The following ERBB4 variants were observed in gnomAD, a reference collection of about 807,000 sequenced individuals.
The protein encoded by ERBB4 is erb-b2 receptor tyrosine kinase 4.
ERBB4 carries 42 observed loss-of-function variants against 158.0 expected under a neutral mutation model. The ratio of observed to expected loss-of-function variants is 0.27; its 90% CI spans 0.21 to 0.34. The LOEUF (loss-of-function observed/expected upper bound fraction) is 0.34. ERBB4 is among the 10% of genes least tolerant of loss of function. ERBB4 has a pLI of 1.00. For synonymous variants in ERBB4, 583 were observed against 558.7 expected (o/e 1.04, Z -0.61); for missense variants, 1,333 against 1,624.1 (o/e 0.82, Z 3.08).
intron 1 of ERBB4, among the ~76,000 whole-genome samples, chr2:212,458,014 T>C (rs1056042378): frequency 6.6e-6 from 1 of 152,098 alleles, no homozygotes; most frequent in Non-Finnish European, 1.5e-5. Context: ...TGTTCTTCTA[T>C]TGTATGTTCT....
At chr2:212,458,427 T>C (rs1688410303) in intron 1 of ERBB4, among the ~76,000 whole-genome samples, 1 of 152,088 alleles carries the variant, frequency 6.6e-6, no homozygotes, top group South Asian at 2.1e-4. Flanking sequence ...TGAGAAAGTG[T>C]ATCATTTGTT....
chr2:211,642,007 A>T (rs552752634), intron 16 of ERBB4, among the ~76,000 whole-genome samples: 36 of 152,232 alleles, frequency 2.4e-4, no homozygotes, highest in Admixed American at 2.2e-3. Context: ...AGTGAATGAA[A>T]TAGTTAAGTG....
At chr2:211,684,468 A>G (rs1385492587) in intron 12 of ERBB4, among the ~76,000 whole-genome samples, 1 of 151,754 alleles carries the variant, frequency 6.6e-6, no homozygotes, top group Non-Finnish European at 1.5e-5. Context: ...AAATAAAAAA[A>G]GAAAAGAAAA....
At chr2:212,406,357 T>C (rs2091344344) in intron 1 of ERBB4, among the ~76,000 whole-genome samples, 1 of 152,096 alleles carries the variant, frequency 6.6e-6, no homozygotes, top group Non-Finnish European at 1.5e-5. Context: ...ATCGGTTCAC[T>C]TTGGACAGAT....
At chr2:212,272,308 A>G (rs1302468919) in intron 1 of ERBB4, among the ~76,000 whole-genome samples, 1 of 151,788 alleles carries the variant, frequency 6.6e-6, no homozygotes, top group East Asian at 1.9e-4. Flanking sequence ...ACAGTCCAGA[A>G]GTATACACAA....
chr2:212,396,109 A>C (rs977899179), intron 1 of ERBB4, among the ~76,000 whole-genome samples: 2 of 152,202 alleles, frequency 1.3e-5, no homozygotes, highest in East Asian at 1.9e-4. Flanking sequence ...CGTGTGCTCA[A>C]ATAGAAACAG....
intron 2 of ERBB4, among the ~76,000 whole-genome samples, chr2:212,057,535 G>A (rs558712599): frequency 1.8e-4 from 28 of 152,244 alleles, no homozygotes; most frequent in Non-Finnish European, 5.9e-5. Context: ...TGGAAGTAAA[G>A]CACTCCTCAG....
chr2:211,965,622 A>C (rs1470410263), intron 2 of ERBB4, among the ~76,000 whole-genome samples: 4 of 152,212 alleles, frequency 2.6e-5, no homozygotes, highest in Non-Finnish European at 4.4e-5. Flanking sequence ...AAATGAAAGT[A>C]GTTGATACTA....
intron 20 of ERBB4, among the ~76,000 whole-genome samples, chr2:211,536,422 C>A (rs182280394): frequency 6.6e-6 from 1 of 152,158 alleles, no homozygotes; most frequent in African/African-American, 2.4e-5. Flanking sequence ...GTGGACATTA[C>A]TCCGGCTTCC....
chr2:211,385,195 GGTAA>G (rs1172273973), intron 27 of ERBB4, among the ~76,000 whole-genome samples: 1 of 152,060 alleles, frequency 6.6e-6, no homozygotes, highest in Non-Finnish European at 1.5e-5. Context: ...ATACAGAATA[GGTAA>G]GTATTTAGCA....
At chr2:211,491,250 G>A (rs560244311) in intron 20 of ERBB4, among the ~76,000 whole-genome samples, 2 of 152,088 alleles carry the variant, frequency 1.3e-5, no homozygotes, top group East Asian at 3.9e-4. Context: ...AATGTACGAA[G>A]TCTCAAAGGG....
intron 3 of ERBB4, among the ~76,000 whole-genome samples, chr2:211,945,585 G>A (rs1196364438): frequency 6.6e-6 from 1 of 151,992 alleles, no homozygotes; most frequent in Non-Finnish European, 1.5e-5. Context: ...TAGGCAAAGT[G>A]AATAATAATA....
intron 3 of ERBB4, among the ~76,000 whole-genome samples, chr2:211,945,674 C>G (rs541212478): frequency 6.6e-6 from 1 of 151,980 alleles, no homozygotes; most frequent in Non-Finnish European, 1.5e-5. Flanking sequence ...AAGTTATGCA[C>G]TTACTCGGTA....
chr2:211,576,136 C>A (rs925792818), intron 19 of ERBB4, among the ~76,000 whole-genome samples: 25 of 151,782 alleles, frequency 1.6e-4, no homozygotes, highest in African/African-American at 6.1e-4. Flanking sequence ...ATAATATTAC[C>A]ACCCACTCAG....
intron 1 of ERBB4, among the ~76,000 whole-genome samples, chr2:212,407,137 T>G (rs1161082864): frequency 6.6e-6 from 1 of 150,978 alleles, no homozygotes; most frequent in Non-Finnish European, 1.5e-5. Flanking sequence ...ATTATATACA[T>G]AACATATATT....
chr2:212,000,381 A>G (rs1282606851), intron 2 of ERBB4, among the ~76,000 whole-genome samples: 2 of 151,880 alleles, frequency 1.3e-5, no homozygotes, highest in Non-Finnish European at 1.5e-5. Context: ...TGTGTTTGCA[A>G]TATTAATTGG....
At chr2:211,820,068 A>G (rs2076961366) in intron 3 of ERBB4, among the ~76,000 whole-genome samples, 1 of 151,948 alleles carries the variant, frequency 6.6e-6, no homozygotes, top group South Asian at 2.1e-4. Context: ...CATTCAAATC[A>G]TTAACCATTA....
At chr2:212,480,713 T>G (rs7603379) in intron 1 of ERBB4, among the ~76,000 whole-genome samples, 12,884 of 152,222 alleles carry the variant, frequency 0.085, 1,343 homozygotes, top group African/African-American at 0.25. Context: ...ACTGTACAGT[T>G]ATGGCATATG....
chr2:212,327,385 G>C (rs2087896686), intron 1 of ERBB4, among the ~76,000 whole-genome samples: 1 of 151,822 alleles, frequency 6.6e-6, no homozygotes, highest in South Asian at 2.1e-4. Flanking sequence ...TTCAACAGAC[G>C]CAATCCAAGG....
Sources: gnomAD v4.1 joint callset for allele counts (sites outside exome capture counted in the v4.1 genomes callset) on GRCh38, gnomAD v4.1.1 for gene constraint, MANE v1.5 for transcripts, NCBI Gene and HGNC (gene_info 2026-07-23, HGNC 2026-07-21) for gene names.